Variants in AGPAT3 observed in about 807,000 individuals in gnomAD.
AGPAT3 encodes 1-acylglycerol-3-phosphate O-acyltransferase 3, also known as 1-acyl-sn-glycerol-3-phosphate acyltransferase gamma.
In AGPAT3, 5 loss-of-function variants were observed where a neutral mutation model predicts 47.3. The ratio of observed to expected loss-of-function variants is 0.11; its 90% confidence interval spans 0.06 to 0.22. The LOEUF (loss-of-function observed/expected upper bound fraction) is 0.22, where lower values mean the gene tolerates loss of function less well. AGPAT3 is among the 10% of genes least tolerant of loss of function. The pLI is 1.00. For missense variants in AGPAT3, 315 were observed against 493.0 expected (o/e 0.64, Z 3.42); for synonymous variants, 212 against 208.3 (o/e 1.02, Z -0.15).
intron 3 of AGPAT3, among the ~76,000 whole-genome samples, chr21:43,963,833 G>C (rs537944029): frequency 2.3e-4 from 35 of 152,100 alleles, no homozygotes; most frequent in African/African-American, 6.0e-4. Context: ...CAGCAGTGGC[G>C]GGAGAAGGTG....
At chr21:43,973,651 G>C (rs111475535) in intron 7 of AGPAT3, among the ~76,000 whole-genome samples, 1,667 of 152,350 alleles carry the variant, frequency 0.011, 28 homozygotes, top group African/African-American at 0.038. Context: ...CTTTGAACTT[G>C]TAAGGCTTCG....
chr21:43,888,259 C>T (rs763660063), intron 1 of AGPAT3, among the ~76,000 whole-genome samples: 3 of 152,138 alleles, frequency 2.0e-5, no homozygotes, highest in Non-Finnish European at 4.4e-5. Flanking sequence ...AGGCTGGTCT[C>T]GAATTCCTGG....
At chr21:43,907,146 G>A (rs1470767925) in intron 2 of AGPAT3, among the ~76,000 whole-genome samples, 2 of 149,644 alleles carry the variant, frequency 1.3e-5, no homozygotes, top group Non-Finnish European at 3.0e-5. Context: ...GGATCCTCCT[G>A]CCTCAGCCTC....
In AGPAT3 at chr21:43,912,278, G is replaced by T. The variant is rs377332083; in HGVS notation, c.-49+8259G>T. On this transcript the variant is annotated intron_variant, in intron 2 of 9. Coordinates refer to ENST00000291572, the MANE Select transcript of AGPAT3 (RefSeq NM_020132.5). ...GGGGCAATCCTGGCACGCGAGCAAA[G>T]GGTGGGGCACATGTGAGCCACGTCT... 8.5e-5 allele frequency among the ~76,000 whole-genome samples: 13 copies of T among 152,378 alleles called. No individual in the cohort carries two copies. In the East Asian group the frequency reaches 1.9e-3, roughly 23 times the overall value.
At chr21:43,902,335 A>C (rs1001395236) in intron 1 of AGPAT3, among the ~76,000 whole-genome samples, 8 of 152,266 alleles carry the variant, frequency 5.3e-5, no homozygotes, top group African/African-American at 7.2e-5. Flanking sequence ...ATTAACCAAA[A>C]TGGATCATAG....
At chr21:43,866,716 C>T (rs2085515386) in intron 1 of AGPAT3, 1 of 152,308 alleles carries the variant, frequency 6.6e-6, no homozygotes, top group South Asian at 2.1e-4. Flanking sequence ...CAGCTGCATG[C>T]CATTGACATT....
At chr21:43,885,381 T>C (rs1454150952) in intron 1 of AGPAT3, among the ~76,000 whole-genome samples, 1 of 150,062 alleles carries the variant, frequency 6.7e-6, no homozygotes, top group South Asian at 2.1e-4. Flanking sequence ...ATTGCCAGTT[T>C]TTCTTTTTTC....
At position 43,969,154 on chromosome 21, in the gene AGPAT3, G is replaced by T; in HGVS notation, c.385G>T (p.Val129Leu). The stretch of plus-strand genomic sequence containing the variant: ...CCTCGCTAAGAAGGAGCTGCTCTAC[G>T]TGCCCCTCATCGGCTGGACGTGGTA... ...KVLAKKELLY[V>L]PLIGWTWYFL... is the part of the protein sequence containing the mutation. The change falls in exon 5 of 10, where the codon GTG becomes TTG. Residue 129 changes from valine (V) to leucine (L), a missense_variant. Transcript: ENST00000291572. 6.2e-7 allele frequency: 1 copy of T among 1,614,228 alleles called. No homozygotes were observed.
intron 2 of AGPAT3, among the ~76,000 whole-genome samples, chr21:43,942,949 A>T (rs1223923762): frequency 6.6e-6 from 1 of 152,200 alleles, no homozygotes; most frequent in African/African-American, 2.4e-5. Context: ...CCTGTTGGGG[A>T]TGGAGGAAGA....
In AGPAT3 at chr21:43,870,359, T is replaced by C. The variant is rs940860395; in HGVS notation, c.-112+5014T>C. ...GTTCAGTTCCAGCTCCAGGCTAGCA[T>C]TGCATTTTCCTGGAGCCCCAAAGCC... On this transcript the variant is annotated intron_variant, in intron 1 of 9. Transcript: ENST00000291572. 3.3e-5 allele frequency among the ~76,000 whole-genome samples: 5 copies of C among 152,172 alleles called. No homozygotes were observed. In the East Asian group the frequency reaches 9.6e-4, roughly 29 times the overall value.
At chr21:43,892,604 A>G (rs1335447142) in intron 1 of AGPAT3, among the ~76,000 whole-genome samples, 1 of 152,234 alleles carries the variant, frequency 6.6e-6, no homozygotes, top group Non-Finnish European at 1.5e-5. Context: ...ATTTAGCATC[A>G]TTCTTAAGGG....
At chr21:43,956,992 C>A (rs966595575) in intron 2 of AGPAT3, among the ~76,000 whole-genome samples, 1 of 152,246 alleles carries the variant, frequency 6.6e-6, no homozygotes, top group Non-Finnish European at 1.5e-5. Context: ...AGGGGAGGAG[C>A]GAAAGTGTTT....
rs2086904976 is a variant in AGPAT3, at chr21:43,921,941, A to G, written c.-49+17922A>G. 2.6e-5 allele frequency among the ~76,000 whole-genome samples: 4 copies of G among 152,032 alleles called. No individual in the cohort carries two copies. In the South Asian group the frequency reaches 8.3e-4, roughly 32 times the overall value. On this transcript the variant is annotated intron_variant, in intron 2 of 9. Transcript: ENST00000291572. ...GGGGTGAGTGTGGAGAGGACATTTC[A>G]CAGCTCCCCGGGGGTCACCATCAGT... is the stretch of plus-strand genomic sequence containing the variant.
rs550395402 is a variant in AGPAT3 at position 43,914,348 on chromosome 21, T to C, written c.-49+10329T>C. Reference sequence around the variant, plus strand: ...AAGGGATTGGGACGTCTTCCTTCTTTATGTTCTGGGAAAGTTTAATTAATG... The same window carrying C: ...AAGGGATTGGGACGTCTTCCTTCTTCATGTTCTGGGAAAGTTTAATTAATG... On this transcript the variant is annotated intron_variant, in intron 2 of 9. Transcript: ENST00000291572. Among the ~76,000 whole-genome samples the C allele has an allele frequency of 3.4e-4, 52 of 152,344 alleles. No homozygotes were observed. In the Middle Eastern group the frequency reaches 0.01, roughly 30 times the overall value.
At position 43,969,268 on chromosome 21, in the gene AGPAT3, G is replaced by A. The variant is rs747425990; in HGVS notation, c.499G>A (p.Glu167Lys). Residue 167 changes from glutamate to lysine, a missense_variant, in exon 5 of 10, where the codon GAG (glutamate) becomes AAG (lysine). Physicochemically the swap from Glu to Lys is moderately conservative, Grantham distance 56. Coordinates refer to ENST00000291572, the MANE Select transcript of AGPAT3 (RefSeq NM_020132.5). ...EGLRRLSDYP[E>K]YMWFLLYCEG... ...GCTGAGGCGCCTGTCGGACTACCCC[G>A]AGTACATGTGGGTGAGTGCGCGGAG... The A allele has an allele frequency of 9.9e-6, 16 of 1,614,238 alleles. No homozygotes were observed. Among genetic ancestry groups the A allele is most frequent in the East Asian group, 2.2e-5 (1 of 44,890 alleles).
intron 2 of AGPAT3, among the ~76,000 whole-genome samples, chr21:43,938,723 C>T (rs966699279): frequency 6.6e-5 from 10 of 152,292 alleles, no homozygotes; most frequent in East Asian, 1.9e-4. Context: ...TGCTGTGTAA[C>T]GAGTTACCCA....
At chr21:43,884,318 T>G (rs995541473) in intron 1 of AGPAT3, among the ~76,000 whole-genome samples, 18 of 142,002 alleles carry the variant, frequency 1.3e-4, no homozygotes, top group Admixed American at 2.2e-4. Flanking sequence ...GCATTTGGCC[T>G]CATAGATAAG....
chr21:43,958,121 A>G (rs992343411), intron 2 of AGPAT3, among the ~76,000 whole-genome samples: 3 of 152,228 alleles, frequency 2.0e-5, no homozygotes, highest in African/African-American at 7.2e-5. Flanking sequence ...CTTTTAAATG[A>G]GATACTAAAT....
chr21:43,873,942 T>A (rs1285529360), intron 1 of AGPAT3, among the ~76,000 whole-genome samples: 1 of 152,218 alleles, frequency 6.6e-6, no homozygotes, highest in African/African-American at 2.4e-5. Context: ...TTGGGTTTAT[T>A]CTGGTGTTCT....
Sources: allele counts gnomAD v4.1 joint callset (sites outside exome capture counted in the v4.1 genomes callset), GRCh38; gene constraint gnomAD v4.1.1; transcripts MANE v1.5; gene names NCBI Gene and HGNC (gene_info 2026-07-23, HGNC 2026-07-21).